ZMAT3: variants seen among roughly 807,000 people sequenced by gnomAD.
The protein encoded by ZMAT3 is zinc finger matrin-type protein 3.
ZMAT3 carries 17 observed loss-of-function variants against 32.3 expected under a neutral mutation model. That is an observed-to-expected ratio of 0.53 (90% CI 0.36 to 0.79). The LOEUF (loss-of-function observed/expected upper bound fraction) is 0.79, where lower values mean the gene tolerates loss of function less well. Ranked by LOEUF, ZMAT3 falls within the 30% of genes least tolerant of loss-of-function variation. ZMAT3 has a pLI of 0.00. For synonymous variants in ZMAT3, 120 were observed against 133.1 expected, an observed-to-expected ratio of 0.90 and a Z score of 0.68; for missense variants, 329 against 359.7, an observed-to-expected ratio of 0.91 and a Z score of 0.69.
chr3:179,042,676 C>G (rs560330900), intron 2 of ZMAT3, among the ~76,000 whole-genome samples: 1 of 152,194 alleles, frequency 6.6e-6, no homozygotes, highest in African/African-American at 2.4e-5. Flanking sequence ...GACAAGGATG[C>G]CCTCTCTCAC....
Position 179,019,668 on chromosome 3 carries a change from G to A in ZMAT3, c.*5349C>T, listed in dbSNP as rs904060806. The A allele has an allele frequency of 6.6e-6, 1 of 152,064 alleles. No individual in the cohort carries two copies. The highest frequency in any genetic ancestry group is 1.5e-5 in the Non-Finnish European group (1 of 67,988). The allele number at this position is 152,064 out of a possible 1,614,324, so 9.4% of individuals were successfully genotyped here. A position where few individuals can be genotyped will look rare whatever the true frequency, so the allele number is the denominator to read the frequency against. ...CGTTTCTAAGATTCTAAGTAGTCAG[G>A]CAATTTAGAATTTTAAATTAATTAA... On this transcript the variant is annotated 3_prime_UTR_variant, in exon 6 of 6. Transcript: ENST00000311417.
In ZMAT3 at chr3:179,067,638, A is replaced by C; in HGVS notation, c.115T>G (p.Phe39Val). ...GTLQLPPQKP[F>V]GQEASLPLAG... ...AGAGGCAAGGAAGCCTCCTGCCCAA[A>C]AGGCTTCTGTGGTGGAAGCTGCAAG... is the stretch of plus-strand genomic sequence containing the variant. Residue 39 changes from phenylalanine to valine, a missense_variant, in exon 2 of 6, where the codon TTT becomes GTT. Phe to Val is a conservative substitution (Grantham distance 50, BLOSUM62 -1). Coordinates refer to ENST00000311417, the MANE Select transcript of ZMAT3 (RefSeq NM_022470.4). 2 of 1,614,152 alleles carry C rather than the reference A, an allele frequency of 1.2e-6. No individual in the cohort carries two copies. The highest frequency in any genetic ancestry group is 1.1e-5 in the South Asian group (1 of 91,080).
chr3:179,027,869 TCTC>T, intron 3 of ZMAT3, 57 bp from the exon 4 acceptor site: 1 of 1,533,436 alleles, frequency 6.5e-7, no homozygotes, highest in South Asian at 1.3e-5. Flanking sequence ...GTTTCCTCCT[TCTC>T]CTCAAAGGTC....
Position 179,020,802 on chromosome 3 carries a change from G to A in ZMAT3, c.*4215C>T, listed in dbSNP as rs1487280897. The A allele has an allele frequency of 6.6e-6, 1 of 152,202 alleles. No individual in the cohort carries two copies. Among genetic ancestry groups the A allele is most frequent in the Non-Finnish European group, 1.5e-5 (1 of 68,050 alleles). The allele number at this position is 152,202 out of a possible 1,614,324, so 9.4% of individuals were successfully genotyped here. A position where few individuals can be genotyped will look rare whatever the true frequency, so the allele number is the denominator to read the frequency against. On this transcript the variant is annotated 3_prime_UTR_variant, in exon 6 of 6. Transcript: ENST00000311417. ...GACACTCATTTTACGTAGGTCACTG[G>A]ACCTCAAACTGTTGTTGCTTGCTGT...
chr3:179,059,970 T>C (rs1195638520), intron 2 of ZMAT3, among the ~76,000 whole-genome samples: 1 of 152,136 alleles, frequency 6.6e-6, no homozygotes, highest in Non-Finnish European at 1.5e-5. Context: ...AAAATGCTAA[T>C]TAGGCAAAAC....
rs192780895 is a variant in ZMAT3, at chr3:179,029,788, C to T, written c.390+1092G>A. Among the ~76,000 whole-genome samples, 239 of 152,284 alleles carry T rather than the reference C, an allele frequency of 1.6e-3. 3 individuals carry two copies. Among genetic ancestry groups the T allele is most frequent in the African/African-American group, 5.5e-3 (230 of 41,560 alleles). On this transcript the variant is annotated intron_variant, in intron 3 of 5. Transcript: ENST00000311417. ...TAAGTTTTTAATGTTTTGTTCACCA[C>T]TATTTTAAATCAATTTTACATTTCT... is the stretch of plus-strand genomic sequence containing the variant.
chr3:179,057,286 T>C (rs1720896132), intron 2 of ZMAT3, among the ~76,000 whole-genome samples: 1 of 152,174 alleles, frequency 6.6e-6, no homozygotes, highest in Non-Finnish European at 1.5e-5. Flanking sequence ...ACCTAACCCT[T>C]ATACTCTGCT....
intron 2 of ZMAT3, among the ~76,000 whole-genome samples, chr3:179,051,004 T>A (rs931551603): frequency 6.6e-6 from 1 of 152,054 alleles, no homozygotes; most frequent in Non-Finnish European, 1.5e-5. Flanking sequence ...ATAAAAGCCA[T>A]CTATGACAAA....
At chr3:179,030,156 T>G (rs146131040) in intron 3 of ZMAT3, among the ~76,000 whole-genome samples, 2 of 152,146 alleles carry the variant, frequency 1.3e-5, no homozygotes, top group Non-Finnish European at 2.9e-5. Flanking sequence ...TGTTTCATGA[T>G]AGCAAGGTTC....
chr3:179,042,169 G>A (rs989292955), intron 2 of ZMAT3, among the ~76,000 whole-genome samples: 2 of 152,144 alleles, frequency 1.3e-5, no homozygotes, highest in Admixed American at 1.3e-4. Flanking sequence ...AAGAGGAGCT[G>A]GTACCATTCC....
At chr3:179,028,054 T>C (rs952570323) in intron 3 of ZMAT3, among the ~76,000 whole-genome samples, 3 of 152,204 alleles carry the variant, frequency 2.0e-5, no homozygotes, top group African/African-American at 7.2e-5. Flanking sequence ...CTGTCGCCAC[T>C]GAAGACATTT....
rs1298612305 is a variant in ZMAT3 at position 179,023,397 on chromosome 3, T to C, written c.*1620A>G. On this transcript the variant is annotated 3_prime_UTR_variant, in exon 6 of 6. Coordinates refer to ENST00000311417, the MANE Select transcript of ZMAT3 (RefSeq NM_022470.4). ...TTACAAAGAATAAAACCATAGTTCG[T>C]GTATATTTCTACTGGAAACGAAGAT... 6.6e-6 allele frequency: 1 copy of C among 151,906 alleles called. No individual in the cohort carries two copies. Among genetic ancestry groups the C allele is most frequent in the East Asian group, 1.9e-4 (1 of 5,172 alleles). The allele number at this position is 151,906 out of a possible 1,614,324, so 9.4% of individuals were successfully genotyped here. A position where few individuals can be genotyped will look rare whatever the true frequency, so the allele number is the denominator to read the frequency against.
At chr3:179,055,987 AC>A (rs1448381758) in intron 2 of ZMAT3, among the ~76,000 whole-genome samples, 1 of 152,182 alleles carries the variant, frequency 6.6e-6, no homozygotes, top group Admixed American at 6.5e-5. Context: ...ACATTTGCTA[AC>A]TTGCGTGCTA....
At position 179,043,814 on chromosome 3, in the gene ZMAT3, G is replaced by A. The variant is rs552825674; in HGVS notation, c.271-12815C>T. Among the ~76,000 whole-genome samples the A allele has an allele frequency of 2.7e-4, 41 of 152,090 alleles. No homozygotes were observed. In the South Asian group the frequency reaches 7.7e-3, roughly 29 times the overall value. On this transcript the variant is annotated intron_variant, in intron 2 of 5. Coordinates refer to ENST00000311417, the MANE Select transcript of ZMAT3 (RefSeq NM_022470.4). Reference sequence around the variant, plus strand: ...CTACAGAATGGGAGAAAATTTTTGCGATCTCCCCATCTGACAAAGGGCTAA... The same window carrying A: ...CTACAGAATGGGAGAAAATTTTTGCAATCTCCCCATCTGACAAAGGGCTAA...
At position 179,020,110 on chromosome 3, in the gene ZMAT3, C is replaced by T. The variant is rs1718470195; in HGVS notation, c.*4907G>A. On this transcript the variant is annotated 3_prime_UTR_variant, in exon 6 of 6. Transcript: ENST00000311417. ...AGACGTAGAACAGAATTCACACAGA[C>T]CTTTGTTATTCCAAGCTCCTATTTA... 6.6e-6 allele frequency: 1 copy of T among 152,138 alleles called. No individual in the cohort carries two copies. The highest frequency in any genetic ancestry group is 6.6e-5 in the Admixed American group (1 of 15,266). 9.4% of individuals were successfully genotyped at this position (152,138 alleles called of 1,614,324 possible). A position where few individuals can be genotyped will look rare whatever the true frequency, so the allele number is the denominator to read the frequency against.
In ZMAT3 at chr3:179,027,771, C is replaced by T. The variant is rs556942756; in HGVS notation, c.432G>A (p.Thr144=). The change falls in exon 4 of 6, where the codon ACG becomes ACA. Residue 144 remains threonine (T), a synonymous_variant. Coordinates refer to ENST00000311417, the MANE Select transcript of ZMAT3 (RefSeq NM_022470.4). The part of the protein sequence containing the change: ...FKPGGRVILA[T]ENDYCKLCDA... ...CACAGAGCTTACAGTAATCATTCTC[C>T]GTGGCCAGGATCACTCGGCCTCCTG... 2.5e-6 allele frequency: 4 copies of T among 1,613,902 alleles called. No homozygotes were observed. The highest frequency in any genetic ancestry group is 2.7e-5 in the African/African-American group (2 of 75,020).
chr3:179,040,197 G>A (rs1719840471), intron 2 of ZMAT3, among the ~76,000 whole-genome samples: 1 of 152,118 alleles, frequency 6.6e-6, no homozygotes, highest in Non-Finnish European at 1.5e-5. Context: ...ACCTAGCAAG[G>A]CAGGCCAACA....
At chr3:179,048,051 T>C (rs1002384719) in intron 2 of ZMAT3, among the ~76,000 whole-genome samples, 23 of 152,278 alleles carry the variant, frequency 1.5e-4, no homozygotes, top group Admixed American at 1.2e-3. Flanking sequence ...GTCGGACAAG[T>C]AGAAGAACTT....
At chr3:179,044,755 T>C (rs2108561500) in intron 2 of ZMAT3, among the ~76,000 whole-genome samples, 1 of 152,204 alleles carries the variant, frequency 6.6e-6, no homozygotes, top group Non-Finnish European at 1.5e-5. Context: ...CTGGAAACCA[T>C]CATTCTCAGC....
Sources: gnomAD v4.1 joint callset for allele counts (sites outside exome capture counted in the v4.1 genomes callset) on GRCh38, gnomAD v4.1.1 for gene constraint, MANE v1.5 for transcripts, NCBI Gene and HGNC (gene_info 2026-07-23, HGNC 2026-07-21) for gene names.